Variants in HTRA1 observed in about 807,000 individuals in gnomAD.
HTRA1 encodes HtrA serine peptidase 1.
HTRA1 carries 26 observed loss-of-function variants against 49.7 expected under a neutral mutation model. That is an observed-to-expected ratio of 0.52 (90% CI 0.38 to 0.73). The LOEUF is 0.73. HTRA1 is among the 30% of genes least tolerant of loss of function. The pLI, the probability that HTRA1 is intolerant of heterozygous loss-of-function variation, is 0.00. For missense variants in HTRA1, 561 were observed against 667.2 expected (o/e 0.84, Z 1.75); for synonymous variants, 291 against 286.9 (o/e 1.01, Z -0.14).
rs2097507171 is a variant in HTRA1 at position 122,514,770 on chromosome 10, A to C, written c.*411A>C. On this transcript the variant is annotated 3_prime_UTR_variant, in exon 9 of 9. Transcript: ENST00000368984. ...TGTGCTTTTCTCCAAGTCAGCACCC[A>C]AAGGTCAATGCACAGAGACCCCGGG... The C allele has an allele frequency of 3.6e-6, 1 of 276,812 alleles. No individual in the cohort carries two copies. The highest frequency in any genetic ancestry group is 4.1e-5 in the South Asian group (1 of 24,150). 17.1% of individuals were successfully genotyped at this position (276,812 alleles called of 1,614,324 possible). A position where few individuals can be genotyped will look rare whatever the true frequency, so the allele number is the denominator to read the frequency against.
chr10:122,513,928 G>A (rs539776543), intron 8 of HTRA1, among the ~76,000 whole-genome samples: 8 of 149,844 alleles, frequency 5.3e-5, no homozygotes, highest in Non-Finnish European at 7.4e-5. Context: ...TAGTAGAGAC[G>A]GGGCTTCACC....
chr10:122,507,595 C>T (rs2097503629), intron 5 of HTRA1, among the ~76,000 whole-genome samples, 193 bp downstream of exon 5: 3 of 152,096 alleles, frequency 2.0e-5, no homozygotes, highest in African/African-American at 7.2e-5. Flanking sequence ...CCCTACGGAT[C>T]TTTTCTGGAA....
rs1261319795 is a variant in HTRA1 at position 122,461,967 on chromosome 10, G to A, written c.315G>A (p.Ala105=). 6.7e-7 allele frequency: 1 copy of A among 1,503,448 alleles called. No individual in the cohort carries two copies. Among genetic ancestry groups the A allele is most frequent in the Middle Eastern group, 2.3e-4 (1 of 4,286 alleles). The allele number at this position is 1,503,448 out of a possible 1,614,324, so 93.1% of individuals were successfully genotyped here. ...CCTCGGCCACGGTGCGGCGGCGCGC[G>A]CAGGCCGGCCTCTGTGTGTGCGCCA... ...VPASATVRRR[A]QAGLCVCASS... Residue 105 remains alanine, a synonymous_variant, in exon 1 of 9, where the codon GCG becomes GCA. Coordinates refer to ENST00000368984, the MANE Select transcript of HTRA1 (RefSeq NM_002775.5).
intron 1 of HTRA1, among the ~76,000 whole-genome samples, chr10:122,475,137 G>T (rs1258959782): frequency 6.6e-6 from 1 of 152,196 alleles, no homozygotes; most frequent in Non-Finnish European, 1.5e-5. Context: ...CCTTGTTTGG[G>T]TAAGTCTTCC....
intron 1 of HTRA1, among the ~76,000 whole-genome samples, chr10:122,465,030 CA>C (rs1158510968): frequency 3.9e-5 from 6 of 152,136 alleles, no homozygotes; most frequent in African/African-American, 1.2e-4. Flanking sequence ...GTCATCAGAT[CA>C]GGGGTCCCCA....
At chr10:122,503,177 C>T (rs879665124) in intron 3 of HTRA1, among the ~76,000 whole-genome samples, 7 of 152,214 alleles carry the variant, frequency 4.6e-5, no homozygotes, top group Admixed American at 4.6e-4. Flanking sequence ...ACTCAGAGTG[C>T]GTGGGCCCCG....
intron 3 of HTRA1, among the ~76,000 whole-genome samples, chr10:122,496,036 T>A (rs2097498438): frequency 6.6e-6 from 1 of 152,070 alleles, no homozygotes; most frequent in African/African-American, 2.4e-5. Context: ...AATATTTGCT[T>A]CCTGGCCCTT....
At chr10:122,501,322 T>C (rs1248393827) in intron 3 of HTRA1, among the ~76,000 whole-genome samples, 1 of 152,220 alleles carries the variant, frequency 6.6e-6, no homozygotes, top group African/African-American at 2.4e-5. Context: ...TGACCATTGC[T>C]TTCCTTTTAA....
chr10:122,473,544 AAAG>A (rs2097487057), intron 1 of HTRA1, among the ~76,000 whole-genome samples: 2 of 152,238 alleles, frequency 1.3e-5, no homozygotes, highest in South Asian at 4.1e-4. Context: ...AAAAAAGTAA[AAAG>A]AAAGAACACG....
At chr10:122,481,735 G>T (rs1238740583) in intron 1 of HTRA1, among the ~76,000 whole-genome samples, 1 of 152,182 alleles carries the variant, frequency 6.6e-6, no homozygotes, top group Non-Finnish European at 1.5e-5. Context: ...GAGGGACCCG[G>T]TTGGTGGTAA....
chr10:122,473,932 C>T (rs932827552), intron 1 of HTRA1, among the ~76,000 whole-genome samples: 1 of 152,110 alleles, frequency 6.6e-6, no homozygotes, highest in Non-Finnish European at 1.5e-5. Flanking sequence ...AAAAATATGC[C>T]TTTTAAGGGA....
rs568412092 is a variant in HTRA1, at chr10:122,480,780, C to G, written c.473-8122C>G. Among the ~76,000 whole-genome samples the G allele has an allele frequency of 7.2e-5, 11 of 152,232 alleles. 1 individual carries two copies. In the South Asian group the frequency reaches 1.9e-3, roughly 26 times the overall value. On this transcript the variant is annotated intron_variant, in intron 1 of 8. Coordinates refer to ENST00000368984, the MANE Select transcript of HTRA1 (RefSeq NM_002775.5). The stretch of plus-strand genomic sequence containing the variant: ...GGTCCAGGTTTTATGGAATCTGAAA[C>G]TTGTACAATTCAGTATACCCTCTTC...
chr10:122,499,151 C>G (rs2097499900), intron 3 of HTRA1, among the ~76,000 whole-genome samples: 1 of 152,122 alleles, frequency 6.6e-6, no homozygotes, highest in Non-Finnish European at 1.5e-5. Context: ...CGGCAGTGTC[C>G]TTGGGGTCAT....
intron 1 of HTRA1, among the ~76,000 whole-genome samples, chr10:122,462,412 GC>G (rs1180293859): frequency 6.6e-6 from 1 of 152,264 alleles, no homozygotes; most frequent in Non-Finnish European, 1.5e-5. Context: ...TGCCCTGAGG[GC>G]AACCACACAG....
chr10:122,489,400 T>C, intron 2 of HTRA1, 22 bp from the exon 3 acceptor site: 1 of 1,609,628 alleles, frequency 6.2e-7, no homozygotes. Flanking sequence ...CAGGCTTAAG[T>C]GTGTACTCCT....
rs2097497823 is a variant in HTRA1, at chr10:122,494,800, A to G, written c.777+5174A>G. On this transcript the variant is annotated intron_variant, in intron 3 of 8. Coordinates refer to ENST00000368984, the MANE Select transcript of HTRA1 (RefSeq NM_002775.5). The surrounding 1 kb of genome is among the most constrained non-coding windows in gnomAD (Gnocchi z 4.0). The stretch of plus-strand genomic sequence containing the variant: ...GCTGGTGCAGTGAGAAGGAAGGCCG[A>G]CACCCCTGATCCTCATCAAGTTCAG... Among the ~76,000 whole-genome samples, 1 of 152,088 alleles carries G rather than the reference A, an allele frequency of 6.6e-6. No individual in the cohort carries two copies. Among genetic ancestry groups the G allele is most frequent in the South Asian group, 2.1e-4 (1 of 4,822 alleles).
intron 3 of HTRA1, among the ~76,000 whole-genome samples, chr10:122,505,724 G>C (rs1429269739): frequency 2.0e-5 from 3 of 152,232 alleles, no homozygotes; most frequent in Admixed American, 1.3e-4. Context: ...TGGGGTGGCT[G>C]TCTGATTTCT....
chr10:122,505,611 A>G (rs2097502710), intron 3 of HTRA1, among the ~76,000 whole-genome samples: 1 of 152,288 alleles, frequency 6.6e-6, no homozygotes, highest in South Asian at 2.1e-4. Context: ...AGATGACTCA[A>G]GTAACCCCTG....
chr10:122,512,285 T>C (rs955069964), intron 8 of HTRA1, among the ~76,000 whole-genome samples: 3 of 152,118 alleles, frequency 2.0e-5, no homozygotes, highest in African/African-American at 7.2e-5. Context: ...CAAAAGTCCT[T>C]GCTCCACGAG....
Sources: allele counts gnomAD v4.1 joint callset (sites outside exome capture counted in the v4.1 genomes callset), GRCh38; gene constraint gnomAD v4.1.1; non-coding constraint Gnocchi (gnomAD v3.1); transcripts MANE v1.5; gene names NCBI Gene and HGNC (gene_info 2026-07-23, HGNC 2026-07-21).